PDK4: variants seen among roughly 807,000 people sequenced by gnomAD.
PDK4 encodes the protein pyruvate dehydrogenase kinase, isozyme 4.
A neutral mutation model predicts 51.7 loss-of-function variants in PDK4; 43 were observed. The observed-to-expected ratio is 0.83, with a 90% CI of 0.65 to 1.07. The LOEUF is 1.07. PDK4 is among the 50% of genes least tolerant of loss of function. PDK4 has a pLI of 0.00. For synonymous variants in PDK4, 170 were observed against 176.6 expected, an observed-to-expected ratio of 0.96 and a Z score of 0.30; for missense variants, 498 against 503.5, an observed-to-expected ratio of 0.99 and a Z score of 0.10.
chr7:95,587,118 A>G lies in PDK4; in HGVS notation c.987T>C (p.Gly329=). The change falls in exon 10 of 11, where the codon GGT becomes GGC. Residue 329 remains glycine (G), a synonymous_variant. Coordinates refer to ENST00000005178, the MANE Select transcript of PDK4 (RefSeq NM_002612.4). The stretch of plus-strand genomic sequence containing the variant: ...GAGAAATTGGCAAGCCGTAACCAAA[A>G]CCAGCCTAGAGAAGAGAGACGTTAT... ...MDNSRNAPLA[G]FGYGLPISRL... is the part of the protein sequence containing the mutation. 6.3e-7 allele frequency: 1 copy of G among 1,588,510 alleles called. No homozygotes were observed. Among genetic ancestry groups the G allele is most frequent in the Non-Finnish European group, 8.6e-7 (1 of 1,157,482 alleles).
chr7:95,593,589 T>C, intron 3 of PDK4, 110 bp downstream of exon 3: 1 of 567,066 alleles, frequency 1.8e-6, no homozygotes, highest in Non-Finnish European at 3.2e-6. Flanking sequence ...AAGAGGGTAG[T>C]GATTTATTAT....
rs375477069 is a variant in PDK4, at chr7:95,589,679, A to G, written c.732T>C (p.Val244=). 3 of 1,589,696 alleles carry G rather than the reference A, an allele frequency of 1.9e-6. No homozygotes were observed. Among genetic ancestry groups the G allele is most frequent in the African/African-American group, 2.7e-5 (2 of 74,420 alleles). ...FPDQPIHIVY[V]PSHLHHMLFE... The stretch of plus-strand genomic sequence containing the variant: ...AGAGCATATGATGGAGGTGAGAAGG[A>G]ACATACACGATGTGAATTGGTTGGT... Residue 244 remains valine (V), a synonymous_variant, in exon 7 of 11, where the codon GTT becomes GTC. Transcript: ENST00000005178.
chr7:95,587,062 A>T lies in PDK4; in HGVS notation c.1043T>A (p.Leu348Gln). 1 of 1,612,202 alleles carries T rather than the reference A, an allele frequency of 6.2e-7. No individual in the cohort carries two copies. Among genetic ancestry groups the T allele is most frequent in the Non-Finnish European group, 8.5e-7 (1 of 1,178,276 alleles). Reference protein sequence around the residue: ...RLYAKYFQGDLNLYSLSGYGT... With the variant: ...RLYAKYFQGDQNLYSLSGYGT... The stretch of plus-strand genomic sequence containing the variant: ...ATATCCTGATAAAGAGTAGAGATTC[A>T]GATCTCCTTGAAAGTACTTTGCATA... The change falls in exon 10 of 11, where the codon CTG (leucine) becomes CAG (glutamine). Residue 348 changes from leucine (L) to glutamine (Q), a missense_variant. Transcript: ENST00000005178.
In PDK4 at chr7:95,587,544, A is replaced by C. The variant is rs1048508656; in HGVS notation, c.871-16T>G. ...TGTCTGAAATCTAAAACAAACAAACAAGTCATCAAAGCCACACATTAAAAA... is the reference window on the plus strand; with the variant it reads ...TGTCTGAAATCTAAAACAAACAAACCAGTCATCAAAGCCACACATTAAAAA... On this transcript the variant is annotated splice_polypyrimidine_tract_variant and intron_variant, in intron 8 of 10. Coordinates refer to ENST00000005178, the MANE Select transcript of PDK4 (RefSeq NM_002612.4). 1 of 1,476,974 alleles carries C rather than the reference A, an allele frequency of 6.8e-7. No individual in the cohort carries two copies. Among genetic ancestry groups the C allele is most frequent in the Non-Finnish European group, 9.5e-7 (1 of 1,055,022 alleles). The allele number at this position is 1,476,974 out of a possible 1,614,324, so 91.5% of individuals were successfully genotyped here.
chr7:95,586,708 A>T, intron 10 of PDK4: 1 of 238,760 alleles, frequency 4.2e-6, no homozygotes, highest in Non-Finnish European at 8.0e-6. Flanking sequence ...ATAGATGCCA[A>T]AAGGAGTTGC....
chr7:95,591,634 T>G (rs546439878), intron 6 of PDK4, among the ~76,000 whole-genome samples: 8 of 152,216 alleles, frequency 5.3e-5, no homozygotes, highest in Non-Finnish European at 1.2e-4. Context: ...GTAACCTCTT[T>G]AAGAGGATAT....
chr7:95,586,879 A>C (rs1791488863), intron 10 of PDK4, 131 bp downstream of exon 10: 1 of 581,244 alleles, frequency 1.7e-6, no homozygotes, highest in Non-Finnish European at 3.1e-6. Context: ...GAAAGAGAAG[A>C]GAATGAATGA....
At chr7:95,591,454 G>C (rs1454946533) in intron 6 of PDK4, among the ~76,000 whole-genome samples, 1 of 152,124 alleles carries the variant, frequency 6.6e-6, no homozygotes, top group Non-Finnish European at 1.5e-5. Context: ...TTATCTGTTG[G>C]ATAGCAACTC....
At chr7:95,589,548 C>G in intron 7 of PDK4, 92 bp downstream of exon 7, 2 of 667,534 alleles carry the variant, frequency 3.0e-6, no homozygotes, top group Non-Finnish European at 5.3e-6. Context: ...GATATTGAGG[C>G]TTCTGTTTTG....
Position 95,584,816 on chromosome 7 carries a change from G to A in PDK4, c.*825C>T, listed in dbSNP as rs1322082594. The A allele has an allele frequency of 1.3e-5, 2 of 152,596 alleles. No homozygotes were observed. Among genetic ancestry groups the A allele is most frequent in the Admixed American group, 6.5e-5 (1 of 15,276 alleles). The allele number at this position is 152,596 out of a possible 1,614,324, so 9.5% of individuals were successfully genotyped here. A position where few individuals can be genotyped will look rare whatever the true frequency, so the allele number is the denominator to read the frequency against. On this transcript the variant is annotated 3_prime_UTR_variant, in exon 11 of 11. Coordinates refer to ENST00000005178, the MANE Select transcript of PDK4 (RefSeq NM_002612.4). ...TTTATTTATAAACAAAGCAAAGTAA[G>A]AGATATTTTTGCTGTTACTTTGGCA...
In PDK4 at chr7:95,596,480, C is replaced by T; in HGVS notation, c.-187G>A. On this transcript the variant is annotated 5_prime_UTR_variant, in exon 1 of 11. Transcript: ENST00000005178. ...GCGGAGTGAAGAGTCTGGGCAGAGT[C>T]GGAGATGCAGTGGTTCGAGATTCAA... is the stretch of plus-strand genomic sequence containing the variant. 3 of 538,432 alleles carry T rather than the reference C, an allele frequency of 5.6e-6. No individual in the cohort carries two copies. The South Asian group carries it at 8.7e-5, about 16-fold the overall frequency. 33.4% of individuals were successfully genotyped at this position (538,432 alleles called of 1,614,324 possible).
intron 1 of PDK4, 130 bp downstream of exon 1, chr7:95,596,034 G>C (rs1200968309): frequency 3.9e-6 from 4 of 1,015,842 alleles, no homozygotes; most frequent in Non-Finnish European, 5.6e-6. Context: ...TGGCGTCGAG[G>C]CTCCAGGGCT....
In PDK4 at chr7:95,592,919, G is replaced by A. The variant is rs777960146; in HGVS notation, c.370C>T (p.Arg124Ter). 1.3e-5 allele frequency: 20 copies of A among 1,598,984 alleles called. No individual in the cohort carries two copies. Among genetic ancestry groups the A allele is most frequent in the Non-Finnish European group, 1.5e-5 (17 of 1,171,994 alleles). Residue 124 changes from arginine to a stop codon, truncating the protein, a stop_gained, in exon 4 of 11, where the codon CGA becomes TGA. Coordinates refer to ENST00000005178, the MANE Select transcript of PDK4 (RefSeq NM_002612.4). LOFTEE classifies it high-confidence loss of function. Reference protein sequence around the residue: ...SDFVDTLIKVRNRHHNVVPTM... With the variant: ...SDFVDTLIKV ...GGGACTACATTATGGTGTCTATTTCGAACTTTGATGAGTGTATCTACAAAG... is the reference window on the plus strand; with the variant it reads ...GGGACTACATTATGGTGTCTATTTCAAACTTTGATGAGTGTATCTACAAAG...
At chr7:95,586,048 G>A (rs1375887472) in intron 10 of PDK4, among the ~76,000 whole-genome samples, 1 of 151,978 alleles carries the variant, frequency 6.6e-6, no homozygotes, top group Non-Finnish European at 1.5e-5. Context: ...TAATTCCAGT[G>A]CAAAAAATGG....
chr7:95,591,879 G>A, intron 6 of PDK4, 109 bp downstream of exon 6: 1 of 623,230 alleles, frequency 1.6e-6, no homozygotes, highest in Non-Finnish European at 2.8e-6. Context: ...ACAAACTTTA[G>A]GCAAGAGAAA....
chr7:95,587,067 TCCTTG>T lies in PDK4; in HGVS notation c.1033_1037del (p.Gln345ArgfsTer24). ...CTGATAAAGAGTAGAGATTCAGATC[TCCTTG>T]AAAGTACTTTGCATACAGACGAGAA... On this transcript the variant is annotated frameshift_variant, in exon 10 of 11. Coordinates refer to ENST00000005178, the MANE Select transcript of PDK4 (RefSeq NM_002612.4). LOFTEE classifies it high-confidence loss of function. 1 of 1,612,648 alleles carries T rather than the reference TCCTTG, an allele frequency of 6.2e-7. No individual in the cohort carries two copies. Among genetic ancestry groups the T allele is most frequent in the Non-Finnish European group, 8.5e-7 (1 of 1,178,736 alleles).
At chr7:95,585,925 A>G (rs2073977) in intron 10 of PDK4, 144 bp from the exon 11 acceptor site, 253,981 of 641,558 alleles carry the variant, frequency 0.4, 55,576 homozygotes, top group East Asian at 0.78. Context: ...TAATAAGAGC[A>G]CACTGGTGCC....
In PDK4 at chr7:95,594,964, G is replaced by T. The variant is rs987735402; in HGVS notation, c.272+59C>A. On this transcript the variant is annotated intron_variant, in intron 2 of 10. Transcript: ENST00000005178. ...CAATTATGATGTTAACATAGTATAA[G>T]AATTCATACCCGGGTAACTGTTTCA... 17 of 1,262,438 alleles carry T rather than the reference G, an allele frequency of 1.3e-5. No individual in the cohort carries two copies. The Admixed American group carries it at 3.4e-4, about 25-fold the overall frequency. The allele number at this position is 1,262,438 out of a possible 1,614,324, so 78.2% of individuals were successfully genotyped here.
chr7:95,590,866 C>G (rs1230527217), intron 6 of PDK4, among the ~76,000 whole-genome samples: 1 of 152,128 alleles, frequency 6.6e-6, no homozygotes, highest in East Asian at 1.9e-4. Context: ...AAAATAGTGC[C>G]TTTCGTTCAT....
Sources: gnomAD v4.1 joint callset for allele counts (sites outside exome capture counted in the v4.1 genomes callset) on GRCh38, gnomAD v4.1.1 for gene constraint, MANE v1.5 for transcripts, NCBI Gene and HGNC (gene_info 2026-07-23, HGNC 2026-07-21) for gene names.